The following METTL8 variants were observed in gnomAD, a reference collection of about 807,000 sequenced individuals.
METTL8 encodes methyltransferase 8, tRNA N3-cytidine, also known as tRNA N(3)-cytidine methyltransferase METTL8, mitochondrial.
In METTL8, 32 loss-of-function variants were observed where a neutral mutation model predicts 48.7. That is an observed-to-expected ratio of 0.66 (90% CI 0.50 to 0.88). The LOEUF (loss-of-function observed/expected upper bound fraction) is 0.88, where lower values mean the gene tolerates loss of function less well. METTL8 is among the 40% of genes least tolerant of loss of function. The pLI is 0.00. For missense variants in METTL8, 464 were observed against 474.4 expected (o/e 0.98, Z 0.20); for synonymous variants, 136 against 157.1 (o/e 0.87, Z 1.01).
rs575084364 is a variant in METTL8, at chr2:171,339,917, G to A, written c.236-363C>T. On this transcript the variant is annotated intron_variant, in intron 3 of 9. Transcript: ENST00000375258. ...TGGTTTTTTATTATCTTAAAGAAAG[G>A]TCCAGGCGCGGTGGCTCATGCCTGT... Among the ~76,000 whole-genome samples the A allele has an allele frequency of 3.9e-5, 6 of 152,280 alleles. No individual in the cohort carries two copies. The South Asian group carries it at 1.0e-3, about 26-fold the overall frequency.
intron 2 of METTL8, among the ~76,000 whole-genome samples, chr2:171,376,618 A>G (rs1338119877): frequency 6.6e-6 from 1 of 152,190 alleles, no homozygotes; most frequent in Admixed American, 6.5e-5. Flanking sequence ...AAAATAAAAT[A>G]AAATACTTAG....
In METTL8 at chr2:171,322,837, A is replaced by G. The variant is rs1206448963; in HGVS notation, c.*1335T>C. ...CTACTGGTTGCCCATTTTTAAGGTT[A>G]TTTCTTGATTATATGCTACACAAGG... On this transcript the variant is annotated 3_prime_UTR_variant, in exon 10 of 10. Coordinates refer to ENST00000375258, the MANE Select transcript of METTL8 (RefSeq NM_001321154.2). 6.6e-6 allele frequency: 1 copy of G among 151,850 alleles called. No homozygotes were observed. The highest frequency in any genetic ancestry group is 2.4e-5 in the African/African-American group (1 of 41,342). The allele number at this position is 151,850 out of a possible 1,614,324, so 9.4% of individuals were successfully genotyped here. A position where few individuals can be genotyped will look rare whatever the true frequency, so the allele number is the denominator to read the frequency against.
At chr2:171,422,993 G>C (rs1198460403) in intron 1 of METTL8, among the ~76,000 whole-genome samples, 1 of 152,192 alleles carries the variant, frequency 6.6e-6, no homozygotes, top group Non-Finnish European at 1.5e-5. Flanking sequence ...TTGTGGGAGG[G>C]ACACAGTGGG....
chr2:171,418,229 C>T (rs1047927586), intron 1 of METTL8, among the ~76,000 whole-genome samples: 2 of 152,150 alleles, frequency 1.3e-5, no homozygotes. Context: ...AGGTGTGAGC[C>T]ACCGCACCCG....
chr2:171,352,618 G>C (rs1015579573), intron 3 of METTL8, among the ~76,000 whole-genome samples: 3 of 151,978 alleles, frequency 2.0e-5, no homozygotes, highest in Non-Finnish European at 4.4e-5. Flanking sequence ...TTGGTTGGTA[G>C]GCTCTTAATT....
chr2:171,375,296 G>A (rs931003382), intron 2 of METTL8: 21 of 802,986 alleles, frequency 2.6e-5, no homozygotes, highest in Middle Eastern at 2.3e-4. Context: ...GCACGGACCA[G>A]AGATATATGT....
In METTL8 at chr2:171,356,024, T is replaced by C. The variant is rs1434566900; in HGVS notation, c.235+4398A>G. On this transcript the variant is annotated intron_variant, in intron 3 of 9. Coordinates refer to ENST00000375258, the MANE Select transcript of METTL8 (RefSeq NM_001321154.2). ...CAGTGAGATGAACCCAGTACCTCAG[T>C]TGGAAATGCAGAAATCACCCGTCTT... Among the ~76,000 whole-genome samples, 4 of 152,210 alleles carry C rather than the reference T, an allele frequency of 2.6e-5. No homozygotes were observed. In the South Asian group the frequency reaches 6.2e-4, roughly 24 times the overall value.
In METTL8 at chr2:171,410,085, A is replaced by G. The variant is rs534167606; in HGVS notation, c.-12-17888T>C. 6.6e-5 allele frequency among the ~76,000 whole-genome samples: 10 copies of G among 152,348 alleles called. No individual in the cohort carries two copies. In the East Asian group the frequency reaches 1.7e-3, roughly 26 times the overall value. ...AAGCTGCTAAAGAATAATTGAGAAT[A>G]TTAATTATGTTCTTAATCTCCAAGG... is the stretch of plus-strand genomic sequence containing the variant. On this transcript the variant is annotated intron_variant, in intron 1 of 9. Coordinates refer to ENST00000375258, the MANE Select transcript of METTL8 (RefSeq NM_001321154.2).
At position 171,398,790 on chromosome 2, in the gene METTL8, A is replaced by G. The variant is rs139014159; in HGVS notation, c.-12-6593T>C. Among the ~76,000 whole-genome samples the G allele has an allele frequency of 4.6e-5, 7 of 152,334 alleles. No homozygotes were observed. In the East Asian group the frequency reaches 1.3e-3, roughly 29 times the overall value. Reference sequence around the variant, plus strand: ...CAACCACTTCACTGTGTATATGTACATTAAAACATCTTCTTGTGTACCTTA... The same window carrying G: ...CAACCACTTCACTGTGTATATGTACGTTAAAACATCTTCTTGTGTACCTTA... On this transcript the variant is annotated intron_variant, in intron 1 of 9. Coordinates refer to ENST00000375258, the MANE Select transcript of METTL8 (RefSeq NM_001321154.2).
At chr2:171,359,287 T>C (rs1342537961) in intron 3 of METTL8, among the ~76,000 whole-genome samples, 1 of 151,276 alleles carries the variant, frequency 6.6e-6, no homozygotes, top group Non-Finnish European at 1.5e-5. Context: ...ATCAGAGAAA[T>C]GCAAATCAAA....
chr2:171,334,348 A>G (rs1400580267), intron 5 of METTL8, among the ~76,000 whole-genome samples: 3 of 152,102 alleles, frequency 2.0e-5, no homozygotes, highest in Non-Finnish European at 4.4e-5. Context: ...TCTTGTGACC[A>G]CCCAGTGACT....
chr2:171,411,974 C>T (rs1690799346), intron 1 of METTL8, among the ~76,000 whole-genome samples: 2 of 152,288 alleles, frequency 1.3e-5, no homozygotes, highest in Non-Finnish European at 2.9e-5. Flanking sequence ...TATGAATAAG[C>T]ATTTACTAAA....
At chr2:171,420,686 A>T (rs1691780669) in intron 1 of METTL8, among the ~76,000 whole-genome samples, 1 of 152,222 alleles carries the variant, frequency 6.6e-6, no homozygotes, top group Non-Finnish European at 1.5e-5. Context: ...ATGTATAAAA[A>T]ACAAAATGTG....
intron 2 of METTL8, among the ~76,000 whole-genome samples, chr2:171,371,777 G>A (rs1686370060): frequency 6.6e-6 from 1 of 151,870 alleles, no homozygotes; most frequent in Non-Finnish European, 1.5e-5. Context: ...GACTATAAGT[G>A]CATATCACTG....
Position 171,339,225 on chromosome 2 carries a change from C to G in METTL8, c.565G>C (p.Gly189Arg). 1 of 1,572,592 alleles carries G rather than the reference C, an allele frequency of 6.4e-7. No homozygotes were observed. The stretch of plus-strand genomic sequence containing the variant: ...GTGGCATTGCTACCAGGAAACAATC[C>G]AGTCTCCATAGGTCCTTTTTTGTGT... The part of the protein sequence containing the change: ...EKHKKGPMET[G>R]LFPGSNATFR... Residue 189 changes from glycine to arginine, a missense_variant, in exon 4 of 10, where the codon GGA (glycine) becomes CGA (arginine). Physicochemically the swap from Gly to Arg is moderately radical, Grantham distance 125 (BLOSUM62 -2). Transcript: ENST00000375258.
At chr2:171,365,422 C>A (rs1685612097) in intron 2 of METTL8, among the ~76,000 whole-genome samples, 1 of 152,180 alleles carries the variant, frequency 6.6e-6, no homozygotes, top group Non-Finnish European at 1.5e-5. Flanking sequence ...CCTACCCCTC[C>A]CATTTGCCCT....
chr2:171,374,567 G>C (rs1330942214), intron 2 of METTL8, among the ~76,000 whole-genome samples: 1 of 152,102 alleles, frequency 6.6e-6, no homozygotes, highest in African/African-American at 2.4e-5. Context: ...GTAGACACTT[G>C]TGAAATTTTC....
chr2:171,326,196 T>C, intron 7 of METTL8, 48 bp from the exon 8 acceptor site: 1 of 1,003,812 alleles, frequency 1.0e-6, no homozygotes. Context: ...AGAAATCTTG[T>C]TTTATATGCT....
intron 2 of METTL8, among the ~76,000 whole-genome samples, chr2:171,383,706 CA>C (rs1273757544): frequency 6.6e-6 from 1 of 152,132 alleles, no homozygotes; most frequent in Non-Finnish European, 1.5e-5. Flanking sequence ...ATGATTTTTC[CA>C]AGTAACTGTG....
Sources: gnomAD v4.1 joint callset for allele counts (sites outside exome capture counted in the v4.1 genomes callset) on GRCh38, gnomAD v4.1.1 for gene constraint, MANE v1.5 for transcripts, NCBI Gene and HGNC (gene_info 2026-07-23, HGNC 2026-07-21) for gene names.